AGAP1: variants seen among roughly 807,000 people sequenced by gnomAD.
The protein encoded by AGAP1 is ArfGAP with GTPase domain, ankyrin repeat and PH domain 1.
In AGAP1, 29 loss-of-function variants were observed where a neutral mutation model predicts 105.3. The ratio of observed to expected loss-of-function variants is 0.28; its 90% confidence interval spans 0.21 to 0.38. The LOEUF (loss-of-function observed/expected upper bound fraction) is 0.38, where lower values mean the gene tolerates loss of function less well. Among genes scored for constraint, AGAP1 ranks in the 10% least tolerant of loss-of-function variants. The pLI is 1.00. For missense variants in AGAP1, 998 were observed against 1,165.1 expected (o/e 0.86, Z 2.09); for synonymous variants, 509 against 485.9 (o/e 1.05, Z -0.63).
In AGAP1 at chr2:236,050,694, G is replaced by A. The variant is rs565088076; in HGVS notation, c.2114+1413G>A. Among the ~76,000 whole-genome samples, 26 of 152,260 alleles carry A rather than the reference G, an allele frequency of 1.7e-4. No homozygotes were observed. Among genetic ancestry groups the A allele is most frequent in the African/African-American group, 6.0e-4 (25 of 41,552 alleles). ...AGATTGAGCTTAATATATGAATGCA[G>A]AAAACATTGAAATAAGCTGGAAAAA... On this transcript the variant is annotated intron_variant, in intron 16 of 17. Coordinates refer to ENST00000304032, the MANE Select transcript of AGAP1 (RefSeq NM_001037131.3). The surrounding 1 kb of genome is among the most constrained non-coding windows in gnomAD (Gnocchi z 4.0).
rs1207339625 is a variant in AGAP1, at chr2:236,000,406, T to C, written c.1645+31783T>C. On this transcript the variant is annotated intron_variant, in intron 13 of 17. Coordinates refer to ENST00000304032, the MANE Select transcript of AGAP1 (RefSeq NM_001037131.3). This position sits in a 1 kb window ranked among gnomAD's most constrained non-coding sequence, Gnocchi z 4.3. ...TGTCAATGGCATTGAGGACTTTCTG[T>C]ACAAAAATCACTACGCGTGACAGCT... 5.9e-5 allele frequency among the ~76,000 whole-genome samples: 9 copies of C among 152,270 alleles called. No individual in the cohort carries two copies. The East Asian group carries it at 1.7e-3, about 29-fold the overall frequency.
chr2:235,690,285 A>G lies in AGAP1; in HGVS notation c.164-18894A>G, dbSNP rs1262280253. 6.6e-6 allele frequency among the ~76,000 whole-genome samples: 1 copy of G among 151,472 alleles called. No individual in the cohort carries two copies. On this transcript the variant is annotated intron_variant, in intron 1 of 17. Coordinates refer to ENST00000304032, the MANE Select transcript of AGAP1 (RefSeq NM_001037131.3). The surrounding 1 kb of genome is among the most constrained non-coding windows in gnomAD (Gnocchi z 4.1). ...AAAGGGACTCTGACCCTCCCTCCGC[A>G]CCCCACCCTTTAAAGGTGAAAGCAG...
rs964083647 is a variant in AGAP1, at chr2:235,960,823, A to G, written c.1484-7639A>G. Among the ~76,000 whole-genome samples, 3 of 152,196 alleles carry G rather than the reference A, an allele frequency of 2.0e-5. No homozygotes were observed. Among genetic ancestry groups the G allele is most frequent in the East Asian group, 1.9e-4 (1 of 5,188 alleles). ...TTCTCTGTGTCAATAGACTTCACTCATGGACTCAGTCGTTCGCCTAAAAAT... is the reference window on the plus strand; with the variant it reads ...TTCTCTGTGTCAATAGACTTCACTCGTGGACTCAGTCGTTCGCCTAAAAAT... On this transcript the variant is annotated intron_variant, in intron 12 of 17. Transcript: ENST00000304032. This position sits in a 1 kb window ranked among gnomAD's most constrained non-coding sequence, Gnocchi z 4.9.
At chr2:235,698,116 C>G (rs1950080816) in intron 1 of AGAP1, among the ~76,000 whole-genome samples, 1 of 152,082 alleles carries the variant, frequency 6.6e-6, no homozygotes, top group Non-Finnish European at 1.5e-5. Context: ...ATTAGATTCT[C>G]ATAAAGAGCA....
rs573915911 is a variant in AGAP1 at position 235,841,299 on chromosome 2, C to T, written c.1050+33968C>T. On this transcript the variant is annotated intron_variant, in intron 9 of 17. Coordinates refer to ENST00000304032, the MANE Select transcript of AGAP1 (RefSeq NM_001037131.3). Reference sequence around the variant, plus strand: ...AGAAGTTACCAACAGTCGCCGCTCACTAGGAAACCCTAGAGTAGACGTACA... The same window carrying T: ...AGAAGTTACCAACAGTCGCCGCTCATTAGGAAACCCTAGAGTAGACGTACA... Among the ~76,000 whole-genome samples the T allele has an allele frequency of 3.0e-3, 452 of 152,278 alleles. 5 individuals carry two copies. Among genetic ancestry groups the T allele is most frequent in the African/African-American group, 0.01 (427 of 41,552 alleles).
At chr2:235,671,135 C>A (rs531563094) in intron 1 of AGAP1, 4 of 1,229,820 alleles carry the variant, frequency 3.3e-6, no homozygotes, top group Non-Finnish European at 4.1e-6. Flanking sequence ...GCTATGGGAC[C>A]CGCCCTCCCG....
rs1447260321 is a variant in AGAP1, at chr2:235,635,013, A to C, written c.164-74166A>C. On this transcript the variant is annotated intron_variant, in intron 1 of 17. Transcript: ENST00000304032. The surrounding 1 kb of genome is among the most constrained non-coding windows in gnomAD (Gnocchi z 5.3). ...GCCAACCGTGTGTCCTCAGATCTGC[A>C]TGGAATTTCCTGTGGCGCTTTCTCA... is the stretch of plus-strand genomic sequence containing the variant. Among the ~76,000 whole-genome samples, 1 of 151,028 alleles carries C rather than the reference A, an allele frequency of 6.6e-6. No homozygotes were observed. The highest frequency in any genetic ancestry group is 2.4e-5 in the African/African-American group (1 of 41,010).
chr2:235,503,679 T>C (rs1282171423), intron 1 of AGAP1, among the ~76,000 whole-genome samples: 1 of 152,176 alleles, frequency 6.6e-6, no homozygotes, highest in East Asian at 1.9e-4. Context: ...ATTTGTAGCC[T>C]CAACCTCCCA....
At chr2:236,118,864 G>C (rs2059835270) in intron 16 of AGAP1, among the ~76,000 whole-genome samples, 1 of 151,990 alleles carries the variant, frequency 6.6e-6, no homozygotes, top group African/African-American at 2.4e-5. Context: ...CGGTGCTGCA[G>C]AGTCTTGAGT....
chr2:235,729,823 G>A lies in AGAP1; in HGVS notation c.311-11140G>A, dbSNP rs1222814694. On this transcript the variant is annotated intron_variant, in intron 3 of 17. Transcript: ENST00000304032. The surrounding 1 kb of genome is among the most constrained non-coding windows in gnomAD (Gnocchi z 5.0). The stretch of plus-strand genomic sequence containing the variant: ...ACAGCAGCGACTTGTCACCTCTTCC[G>A]TGTTGCTACTGCCTGAGAACAGAGG... Among the ~76,000 whole-genome samples the A allele has an allele frequency of 1.3e-5, 2 of 152,094 alleles. No homozygotes were observed. The highest frequency in any genetic ancestry group is 2.9e-5 in the Non-Finnish European group (2 of 68,034).
At chr2:235,686,658 TATA>T (rs1559351197) in intron 1 of AGAP1, among the ~76,000 whole-genome samples, 80 of 58,770 alleles carry the variant, frequency 1.4e-3, no homozygotes, top group African/African-American at 1.5e-3. Flanking sequence ...TATATATATA[TATA>T]TATATTTTTT....
At position 235,635,591 on chromosome 2, in the gene AGAP1, T is replaced by C. The variant is rs1208423158; in HGVS notation, c.164-73588T>C. 2.6e-5 allele frequency among the ~76,000 whole-genome samples: 4 copies of C among 152,054 alleles called. No homozygotes were observed. In the East Asian group the frequency reaches 7.7e-4, roughly 29 times the overall value. Reference sequence around the variant, plus strand: ...GAAAGAACGCACTTTGGTTTTCTTTTGGAAACCTAGAGCAACCTACTAGAT... The same window carrying C: ...GAAAGAACGCACTTTGGTTTTCTTTCGGAAACCTAGAGCAACCTACTAGAT... On this transcript the variant is annotated intron_variant, in intron 1 of 17. Coordinates refer to ENST00000304032, the MANE Select transcript of AGAP1 (RefSeq NM_001037131.3). The surrounding 1 kb of genome is among the most constrained non-coding windows in gnomAD (Gnocchi z 5.3).
chr2:236,110,173 G>C (rs182924757), intron 16 of AGAP1, among the ~76,000 whole-genome samples: 26 of 152,290 alleles, frequency 1.7e-4, no homozygotes, highest in African/African-American at 6.3e-4. Flanking sequence ...ACTAGGTGTT[G>C]TTAGAATTAA....
At chr2:235,980,291 A>G (rs955694347) in intron 13 of AGAP1, among the ~76,000 whole-genome samples, 1 of 152,206 alleles carries the variant, frequency 6.6e-6, no homozygotes, top group Non-Finnish European at 1.5e-5. Context: ...AGGGGTTTGA[A>G]GTGCCTTGTA....
chr2:235,833,563 C>T (rs1433906347), intron 9 of AGAP1, among the ~76,000 whole-genome samples: 1 of 151,438 alleles, frequency 6.6e-6, no homozygotes, highest in Non-Finnish European at 1.5e-5. Context: ...AGAGTGCTTG[C>T]TAATGTCACT....
intron 13 of AGAP1, among the ~76,000 whole-genome samples, chr2:235,995,257 G>A (rs555111218): frequency 1.3e-5 from 2 of 152,116 alleles, no homozygotes; most frequent in South Asian, 2.1e-4. Context: ...GCTCATGCCT[G>A]TAATCCCAAC....
At position 235,629,544 on chromosome 2, in the gene AGAP1, T is replaced by C. The variant is rs552336780; in HGVS notation, c.164-79635T>C. Among the ~76,000 whole-genome samples the C allele has an allele frequency of 3.9e-5, 6 of 151,952 alleles. No homozygotes were observed. In the South Asian group the frequency reaches 1.3e-3, roughly 32 times the overall value. On this transcript the variant is annotated intron_variant, in intron 1 of 17. Coordinates refer to ENST00000304032, the MANE Select transcript of AGAP1 (RefSeq NM_001037131.3). ...CAGCACAGGGGCCAGGTGTCCAGCA[T>C]GGGGACTTCATGAGGTATTTTAAGA...
In AGAP1 at chr2:235,971,784, T is replaced by TATTGATTG. The variant is rs1172078524; in HGVS notation, c.1645+3165_1645+3166insATTGATTG. ...TTATTTATTTATTTATTTATTTATT[T>TATTGATTG]ATTGTATTTTTTGAGACAGGTCCTC... On this transcript the variant is annotated intron_variant, in intron 13 of 17. Coordinates refer to ENST00000304032, the MANE Select transcript of AGAP1 (RefSeq NM_001037131.3). This position sits in a 1 kb window ranked among gnomAD's most constrained non-coding sequence, Gnocchi z 4.8. Among the ~76,000 whole-genome samples the TATTGATTG allele has an allele frequency of 1.8e-4, 27 of 148,248 alleles. No individual in the cohort carries two copies. Among genetic ancestry groups the TATTGATTG allele is most frequent in the African/African-American group, 6.5e-4 (26 of 40,298 alleles).
intron 10 of AGAP1, among the ~76,000 whole-genome samples, chr2:235,884,514 G>T (rs182811800): frequency 0.016 from 2,323 of 147,872 alleles, 69 homozygotes; most frequent in African/African-American, 0.054. Flanking sequence ...GCAGTGGCGC[G>T]ATCCTGGCTC....
Sources: allele counts gnomAD v4.1 joint callset (sites outside exome capture counted in the v4.1 genomes callset), GRCh38; gene constraint gnomAD v4.1.1; non-coding constraint Gnocchi (gnomAD v3.1); transcripts MANE v1.5; gene names NCBI Gene and HGNC (gene_info 2026-07-23, HGNC 2026-07-21).